The following ITGA1 variants were observed in gnomAD, a reference collection of about 807,000 sequenced individuals.
ITGA1 encodes integrin subunit alpha 1.
In ITGA1, 85 loss-of-function variants were observed where a neutral mutation model predicts 145.9. That is an observed-to-expected ratio of 0.58 (90% confidence interval 0.49 to 0.70). ITGA1 has a LOEUF of 0.70. Ranked by LOEUF, ITGA1 falls within the 30% of genes least tolerant of loss-of-function variation. The probability of loss-of-function intolerance (pLI) is 0.00; values close to 1 mark genes in which losing one functional copy is unlikely to be tolerated. For synonymous variants in ITGA1, 520 were observed against 495.3 expected (o/e 1.05, Z -0.66); for missense variants, 1,351 against 1,418.7 (o/e 0.95, Z 0.77).
At chr5:52,923,853 G>T (rs758686663) in intron 18 of ITGA1, among the ~76,000 whole-genome samples, 17 of 152,180 alleles carry the variant, frequency 1.1e-4, no homozygotes, top group Non-Finnish European at 2.1e-4. Context: ...AACCACCTAG[G>T]TCATCAGCAG....
chr5:52,906,189 T>G, intron 12 of ITGA1, among the ~76,000 whole-genome samples: 1 of 152,184 alleles, frequency 6.6e-6, no homozygotes, highest in East Asian at 1.9e-4. Flanking sequence ...AAATTACCAG[T>G]GGCCCAGACA....
At chr5:52,918,921 G>A in intron 16 of ITGA1, 23 bp downstream of exon 16, 1 of 1,562,850 alleles carries the variant, frequency 6.4e-7, no homozygotes, top group South Asian at 1.2e-5. Context: ...ATTATAGCAA[G>A]TACTTTTGGG....
At chr5:52,938,119 A>G (rs1462425644) in intron 24 of ITGA1, among the ~76,000 whole-genome samples, 1 of 152,196 alleles carries the variant, frequency 6.6e-6, no homozygotes, top group Non-Finnish European at 1.5e-5. Context: ...ACCACTATTC[A>G]ATCCACTAGA....
intron 1 of ITGA1, chr5:52,801,843 A>AT: frequency 6.4e-7 from 1 of 1,570,066 alleles, no homozygotes. Flanking sequence ...AGGATTAATG[A>AT]TTGAAACTTA....
In ITGA1 at chr5:52,956,038, G is replaced by T. The variant is rs1751298532; in HGVS notation, c.*3587G>T. 6.6e-6 allele frequency: 1 copy of T among 151,678 alleles called. No homozygotes were observed. 9.4% of individuals were successfully genotyped at this position (151,678 alleles called of 1,614,324 possible). The stretch of plus-strand genomic sequence containing the variant: ...ATAAAATCAAAGTCTAGGCTCAATT[G>T]GAAAATGGAAATATTTGCACCAAAA... On this transcript the variant is annotated 3_prime_UTR_variant, in exon 29 of 29. Coordinates refer to ENST00000282588, the MANE Select transcript of ITGA1 (RefSeq NM_181501.2).
At chr5:52,837,014 C>G (rs1287411719) in intron 1 of ITGA1, among the ~76,000 whole-genome samples, 1 of 152,026 alleles carries the variant, frequency 6.6e-6, no homozygotes, top group Non-Finnish European at 1.5e-5. Flanking sequence ...TTTGCAAAAT[C>G]TAAACATTTT....
intron 6 of ITGA1, among the ~76,000 whole-genome samples, chr5:52,881,346 C>T (rs1749954544): frequency 6.6e-6 from 1 of 152,182 alleles, no homozygotes; most frequent in African/African-American, 2.4e-5. Flanking sequence ...TACACAGTTT[C>T]CCCTGTATGG....
At chr5:52,943,227 T>C (rs1022032196) in intron 26 of ITGA1, among the ~76,000 whole-genome samples, 2 of 152,120 alleles carry the variant, frequency 1.3e-5, no homozygotes, top group Non-Finnish European at 2.9e-5. Flanking sequence ...TGACTCTTAT[T>C]ATTTGGAGGT....
intron 1 of ITGA1, chr5:52,801,272 T>A (rs1317217712): frequency 8.8e-7 from 1 of 1,135,162 alleles, no homozygotes; most frequent in East Asian, 2.4e-5. Context: ...GAATGTTAAA[T>A]GTCTAGCAAA....
chr5:52,800,801 A>T, intron 1 of ITGA1: 1 of 1,612,664 alleles, frequency 6.2e-7, no homozygotes, highest in Non-Finnish European at 8.5e-7. Flanking sequence ...TGGAGCGCTG[A>T]TGTGGCGGCT....
Position 52,928,565 on chromosome 5 carries a change from G to T in ITGA1, c.2694+901G>T, listed in dbSNP as rs190454590. On this transcript the variant is annotated intron_variant, in intron 20 of 28. Transcript: ENST00000282588. The stretch of plus-strand genomic sequence containing the variant: ...TTTTCACACACCACAAAGAAGCCAC[G>T]TATGCATTGGCAGTCACTCTGTTTT... Among the ~76,000 whole-genome samples, 91 of 152,288 alleles carry T rather than the reference G, an allele frequency of 6.0e-4. No homozygotes were observed. The East Asian group carries it at 0.017, about 29-fold the overall frequency.
intron 27 of ITGA1, among the ~76,000 whole-genome samples, chr5:52,945,447 A>G (rs1024802945): frequency 6.6e-6 from 1 of 152,210 alleles, no homozygotes; most frequent in African/African-American, 2.4e-5. Context: ...ACAGGAAAAC[A>G]TGTACATTTT....
In ITGA1 at chr5:52,849,498, G is replaced by T. The variant is rs754984515; in HGVS notation, c.182+13G>T. ...AAGAAGGAAAATGGTAAGCCAGTGG[G>T]TTTTGTTGTTGTTATTTACTTATTT... On this transcript the variant is annotated intron_variant, in intron 2 of 28. Transcript: ENST00000282588. 1.9e-6 allele frequency: 3 copies of T among 1,578,048 alleles called. No homozygotes were observed. The highest frequency in any genetic ancestry group is 1.7e-6 in the Non-Finnish European group (2 of 1,156,500).
chr5:52,888,280 GA>G (rs941074511), intron 8 of ITGA1, among the ~76,000 whole-genome samples: 1 of 151,824 alleles, frequency 6.6e-6, no homozygotes, highest in Non-Finnish European at 1.5e-5. Context: ...AAAGAGGACT[GA>G]AAAAAAGAAG....
intron 1 of ITGA1, among the ~76,000 whole-genome samples, chr5:52,812,775 G>A (rs1450067021): frequency 1.2e-5 from 1 of 86,854 alleles, no homozygotes; most frequent in Admixed American, 1.3e-4. Flanking sequence ...AGTTCATTTT[G>A]TTCCTTCTTA....
At chr5:52,812,789 CTTTTTTT>C (rs61600951) in intron 1 of ITGA1, among the ~76,000 whole-genome samples, 394 of 86,052 alleles carry the variant, frequency 4.6e-3, no homozygotes, top group African/African-American at 0.01. Context: ...CTTCTTATCG[CTTTTTTT>C]TTTTTTTTTT....
At chr5:52,877,143 T>C (rs1450339666) in intron 6 of ITGA1, among the ~76,000 whole-genome samples, 1 of 152,214 alleles carries the variant, frequency 6.6e-6, no homozygotes, top group Non-Finnish European at 1.5e-5. Context: ...TTTTAAAGTA[T>C]ATTTCGAAGT....
At chr5:52,936,829 A>G (rs1750971560) in intron 23 of ITGA1, among the ~76,000 whole-genome samples, 1 of 152,200 alleles carries the variant, frequency 6.6e-6, no homozygotes, top group Non-Finnish European at 1.5e-5. Context: ...AAACCAGATT[A>G]TCAACAGCCA....
chr5:52,935,762 C>T (rs1750956771), intron 23 of ITGA1, among the ~76,000 whole-genome samples: 1 of 152,092 alleles, frequency 6.6e-6, no homozygotes, highest in South Asian at 2.1e-4. Flanking sequence ...ATTTTACAGA[C>T]AGGGTACAAA....
Sources: allele counts gnomAD v4.1 joint callset (sites outside exome capture counted in the v4.1 genomes callset), GRCh38; gene constraint gnomAD v4.1.1; transcripts MANE v1.5; gene names NCBI Gene and HGNC (gene_info 2026-07-23, HGNC 2026-07-21).